The following WNT2 variants were observed in gnomAD, a reference collection of about 807,000 sequenced individuals.
WNT2 encodes the protein protein Wnt-2.
In WNT2, 12 loss-of-function variants were observed where a neutral mutation model predicts 36.9. The ratio of observed to expected loss-of-function variants is 0.33; its 90% CI spans 0.21 to 0.53. WNT2 has a LOEUF of 0.53. Among genes scored for constraint, WNT2 ranks in the 20% least tolerant of loss-of-function variants. The pLI, the probability that WNT2 is intolerant of heterozygous loss-of-function variation, is 0.95. For missense variants in WNT2, 379 were observed against 473.1 expected (o/e 0.80, Z 1.84); for synonymous variants, 163 against 174.6 (o/e 0.93, Z 0.52).
At chr7:117,289,715 C>T (rs1282970112) in intron 4 of WNT2, among the ~76,000 whole-genome samples, 1 of 152,212 alleles carries the variant, frequency 6.6e-6, no homozygotes, top group Non-Finnish European at 1.5e-5. Context: ...GATACAGTTC[C>T]TGCCGTCACA....
chr7:117,294,792 G>C (rs1794758050), intron 4 of WNT2, among the ~76,000 whole-genome samples: 1 of 152,068 alleles, frequency 6.6e-6, no homozygotes, highest in Non-Finnish European at 1.5e-5. Flanking sequence ...TAAAATCGTT[G>C]TTGAAAAGAC....
intron 3 of WNT2, among the ~76,000 whole-genome samples, chr7:117,311,097 C>T (rs562289741): frequency 1.4e-3 from 210 of 152,292 alleles, no homozygotes; most frequent in African/African-American, 5.0e-3. Flanking sequence ...CTGAAAGTTG[C>T]AGTGCTGTTT....
chr7:117,314,977 T>G lies in WNT2; in HGVS notation c.588+94A>C, dbSNP rs925007817. On this transcript the variant is annotated intron_variant, in intron 3 of 4. Coordinates refer to ENST00000265441, the MANE Select transcript of WNT2 (RefSeq NM_003391.3). ...AGTAGGAAGTTGTGACTACACAGCA[T>G]TTTATCAATTCTAGGGAAGTTTAAG... The G allele has an allele frequency of 1.2e-5, 18 of 1,524,446 alleles. No individual in the cohort carries two copies. The African/African-American group carries it at 2.4e-4, about 20-fold the overall frequency. 94.4% of individuals were successfully genotyped at this position (1,524,446 alleles called of 1,614,324 possible). A position where few individuals can be genotyped will look rare whatever the true frequency, so the allele number is the denominator to read the frequency against.
At chr7:117,294,998 G>A (rs1163486036) in intron 4 of WNT2, among the ~76,000 whole-genome samples, 1 of 152,230 alleles carries the variant, frequency 6.6e-6, no homozygotes, top group African/African-American at 2.4e-5. Context: ...GGCTGAGGCA[G>A]GAGAATTGCT....
intron 3 of WNT2, 90 bp from the exon 4 acceptor site, chr7:117,297,966 T>C (rs2301633): frequency 0.17 from 253,898 of 1,472,216 alleles, 29,667 homozygotes; most frequent in East Asian, 0.45. Context: ...CCAGAAGTGA[T>C]TCTCAGGATG....
intron 4 of WNT2, among the ~76,000 whole-genome samples, chr7:117,295,690 T>C (rs998336333): frequency 2.0e-5 from 3 of 152,216 alleles, no homozygotes; most frequent in African/African-American, 4.8e-5. Context: ...TTTTCACATA[T>C]GTGTCCTTGG....
chr7:117,293,498 C>A (rs1468791543), intron 4 of WNT2, among the ~76,000 whole-genome samples: 1 of 152,104 alleles, frequency 6.6e-6, no homozygotes, highest in Non-Finnish European at 1.5e-5. Flanking sequence ...CAAAACCAAA[C>A]AAAATAACCA....
chr7:117,280,905 G>C (rs1794470695), intron 4 of WNT2, among the ~76,000 whole-genome samples: 4 of 152,158 alleles, frequency 2.6e-5, no homozygotes, highest in Non-Finnish European at 5.9e-5. Flanking sequence ...GGATATATCA[G>C]AGAAAAAAAA....
At chr7:117,294,213 A>G (rs901246323) in intron 4 of WNT2, among the ~76,000 whole-genome samples, 4 of 152,156 alleles carry the variant, frequency 2.6e-5, no homozygotes, top group Admixed American at 2.6e-4. Context: ...CTCATCCTTA[A>G]AAGGCCATTG....
chr7:117,309,184 C>CA (rs35726865), intron 3 of WNT2, among the ~76,000 whole-genome samples: 36,140 of 144,830 alleles, frequency 0.25, 4,733 homozygotes, highest in Middle Eastern at 0.37. Context: ...ACCCTGTCTC[C>CA]AAAAAAAAAA....
Position 117,315,149 on chromosome 7 carries a change from T to C in WNT2, c.510A>G (p.Ala170=). Residue 170 remains alanine, a synonymous_variant, in exon 3 of 5, where the codon GCA becomes GCG. Coordinates refer to ENST00000265441, the MANE Select transcript of WNT2 (RefSeq NM_003391.3). ...NIDYGIKFAR[A]FVDAKERKGK... ...CTTTCCTTTCCTTTGCATCCACAAA[T>C]GCGCGGGCAAATTTGATCCCATAGT... The C allele has an allele frequency of 6.2e-7, 1 of 1,614,210 alleles. No homozygotes were observed. Among genetic ancestry groups the C allele is most frequent in the Non-Finnish European group, 8.5e-7 (1 of 1,180,018 alleles).
Position 117,284,642 on chromosome 7 carries a change from CCTT to C in WNT2, c.854-6261_854-6259del, listed in dbSNP as rs1399547192. ...TCCTTTCTCACTTTTTTTTCCCATT[CCTT>C]CTTCTTCTTTCTTCCTTTCCCTCTA... is the stretch of plus-strand genomic sequence containing the variant. On this transcript the variant is annotated intron_variant, in intron 4 of 4. Coordinates refer to ENST00000265441, the MANE Select transcript of WNT2 (RefSeq NM_003391.3). The surrounding 1 kb of genome is among the most constrained non-coding windows in gnomAD (Gnocchi z 5.2). 6.6e-6 allele frequency among the ~76,000 whole-genome samples: 1 copy of C among 151,904 alleles called. No individual in the cohort carries two copies. Among genetic ancestry groups the C allele is most frequent in the East Asian group, 1.9e-4 (1 of 5,196 alleles).
At chr7:117,295,835 G>A (rs1221390085) in intron 4 of WNT2, among the ~76,000 whole-genome samples, 2 of 152,132 alleles carry the variant, frequency 1.3e-5, no homozygotes, top group Non-Finnish European at 2.9e-5. Context: ...GATATCTAGG[G>A]TTGCTTATCT....
At chr7:117,289,051 C>CTTTTTTTTT (rs1187027317) in intron 4 of WNT2, among the ~76,000 whole-genome samples, 3 of 89,440 alleles carry the variant, frequency 3.4e-5, no homozygotes, top group East Asian at 4.7e-4. Context: ...TCACGTTAGA[C>CTTTTTTTTT]TTTTTTTTTT....
Position 117,322,962 on chromosome 7 carries a change from G to A in WNT2, c.28C>T (p.Leu10Phe). MNAPLGGIW[L>F]WLPLLLTWLT... ...CAGGTCAAGAGCAGAGGGAGCCAGA[G>A]CCAGATTCCACCGAGAGGGGCGTTC... The change falls in exon 1 of 5, where the codon CTC (leucine) becomes TTC (phenylalanine). Residue 10 changes from leucine to phenylalanine, a missense_variant. Physicochemically the swap from Leu to Phe is conservative, Grantham distance 22. Transcript: ENST00000265441. This position sits in a 1 kb window ranked among gnomAD's most constrained non-coding sequence, Gnocchi z 5.4. The A allele has an allele frequency of 6.2e-7, 1 of 1,612,856 alleles. No individual in the cohort carries two copies. Among genetic ancestry groups the A allele is most frequent in the South Asian group, 1.1e-5 (1 of 90,998 alleles).
intron 4 of WNT2, among the ~76,000 whole-genome samples, chr7:117,280,319 T>C (rs1399187003): frequency 6.6e-6 from 1 of 152,170 alleles, no homozygotes; most frequent in Non-Finnish European, 1.5e-5. Flanking sequence ...CACTGCCAAA[T>C]GCTGCCTCTT....
At chr7:117,306,224 T>C (rs1795012656) in intron 3 of WNT2, among the ~76,000 whole-genome samples, 1 of 152,238 alleles carries the variant, frequency 6.6e-6, no homozygotes, top group Admixed American at 6.5e-5. Context: ...ACTACAATTT[T>C]AATGAAGTTT....
At chr7:117,308,021 A>G (rs1046220932) in intron 3 of WNT2, among the ~76,000 whole-genome samples, 1 of 151,958 alleles carries the variant, frequency 6.6e-6, no homozygotes, top group Non-Finnish European at 1.5e-5. Context: ...CCTGAGGGAA[A>G]CTCTCATTAA....
In WNT2 at chr7:117,275,822, C is replaced by T. The variant is rs1794349310; in HGVS notation, c.*2333G>A. Among the ~76,000 whole-genome samples the T allele has an allele frequency of 6.6e-6, 1 of 152,218 alleles. No individual in the cohort carries two copies. Among genetic ancestry groups the T allele is most frequent in the Non-Finnish European group, 1.5e-5 (1 of 68,042 alleles). On this transcript the variant is annotated 3_prime_UTR_variant, in exon 5 of 5. Coordinates refer to ENST00000265441, the MANE Select transcript of WNT2 (RefSeq NM_003391.3). The stretch of plus-strand genomic sequence containing the variant: ...CCCACCTCAGTGGCAGGACCCACTG[C>T]CACTTGCGATGGTTGCCATAATCTC...
Sources: gnomAD v4.1 joint callset for allele counts (sites outside exome capture counted in the v4.1 genomes callset) on GRCh38, gnomAD v4.1.1 for gene constraint, Gnocchi (gnomAD v3.1) non-coding constraint, MANE v1.5 for transcripts, NCBI Gene and HGNC (gene_info 2026-07-23, HGNC 2026-07-21) for gene names.